LYN: variants seen among roughly 807,000 people sequenced by gnomAD.
The protein encoded by LYN is tyrosine-protein kinase Lyn.
LYN carries 12 observed loss-of-function variants against 65.0 expected under a neutral mutation model. The ratio of observed to expected loss-of-function variants is 0.18; its 90% CI spans 0.12 to 0.30. The LOEUF (loss-of-function observed/expected upper bound fraction) is 0.30, where lower values mean the gene tolerates loss of function less well. Ranked by LOEUF, LYN falls within the 10% of genes least tolerant of loss-of-function variation. LYN has a pLI of 1.00. For synonymous variants in LYN, 222 were observed against 221.2 expected (o/e 1.00, Z -0.03); for missense variants, 380 against 623.2 (o/e 0.61, Z 4.16).
intron 9 of LYN, 72 bp downstream of exon 9, chr8:55,966,969 G>A (rs761860567): frequency 2.8e-5 from 40 of 1,408,168 alleles, no homozygotes; most frequent in African/African-American, 2.3e-4. Context: ...AGTGTTCAGA[G>A]GTCACTCAAC....
intron 8 of LYN, among the ~76,000 whole-genome samples, chr8:55,962,399 A>G (rs1263344638): frequency 6.6e-6 from 1 of 151,268 alleles, no homozygotes; most frequent in Non-Finnish European, 1.5e-5. Context: ...TTCAGTCCCT[A>G]TGATGTTGGT....
At chr8:55,956,731 C>T (rs1273057380) in intron 8 of LYN, among the ~76,000 whole-genome samples, 2 of 152,184 alleles carry the variant, frequency 1.3e-5, no homozygotes, top group African/African-American at 2.4e-5. Context: ...CACTGGCTCA[C>T]GTCAAGATCC....
At chr8:55,995,336 C>G (rs1188683834) in intron 10 of LYN, among the ~76,000 whole-genome samples, 1 of 152,290 alleles carries the variant, frequency 6.6e-6, no homozygotes, top group African/African-American at 2.4e-5. Flanking sequence ...GTGCATCTCC[C>G]CAGTGCTCAG....
At chr8:55,940,500 C>G (rs1351179032) in intron 1 of LYN, among the ~76,000 whole-genome samples, 1 of 152,168 alleles carries the variant, frequency 6.6e-6, no homozygotes, top group Non-Finnish European at 1.5e-5. Flanking sequence ...CTCAGCCTCC[C>G]GAGTAGCTGG....
intron 12 of LYN, among the ~76,000 whole-genome samples, chr8:56,007,048 G>A (rs1808693891): frequency 6.6e-6 from 1 of 152,104 alleles, no homozygotes. Flanking sequence ...TCAGAGCTAG[G>A]AGAACATACT....
At chr8:55,957,892 G>C (rs1198336099) in intron 8 of LYN, among the ~76,000 whole-genome samples, 1 of 152,206 alleles carries the variant, frequency 6.6e-6, no homozygotes, top group Non-Finnish European at 1.5e-5. Context: ...AGGTTGCAGT[G>C]AGCTGAGATT....
At chr8:55,961,613 C>A (rs977376141) in intron 8 of LYN, among the ~76,000 whole-genome samples, 17 of 152,134 alleles carry the variant, frequency 1.1e-4, no homozygotes, top group African/African-American at 4.1e-4. Flanking sequence ...TGACTTCCCC[C>A]CTAACCTTGG....
intron 8 of LYN, among the ~76,000 whole-genome samples, chr8:55,956,757 C>T (rs1563528457): frequency 6.6e-6 from 1 of 152,218 alleles, no homozygotes; most frequent in Admixed American, 6.5e-5. Flanking sequence ...CTTCTGCGTT[C>T]TCTTCCCGGC....
intron 1 of LYN, among the ~76,000 whole-genome samples, chr8:55,889,379 T>G (rs1804888884): frequency 6.6e-6 from 1 of 152,162 alleles, no homozygotes; most frequent in East Asian, 1.9e-4. Flanking sequence ...CCTGGCTTAT[T>G]TTTTGTAGAG....
intron 8 of LYN, among the ~76,000 whole-genome samples, chr8:55,965,270 G>A (rs1011906249): frequency 3.3e-5 from 5 of 152,160 alleles, no homozygotes; most frequent in African/African-American, 1.2e-4. Context: ...ACTTGAACAA[G>A]TGTTCTGAGG....
chr8:55,900,539 AT>A (rs5891598), intron 1 of LYN, among the ~76,000 whole-genome samples: 29,050 of 126,380 alleles, frequency 0.23, 3,196 homozygotes, highest in African/African-American at 0.32. Flanking sequence ...TGCCCAGCTA[AT>A]TTTTTTTTTT....
At chr8:55,966,206 G>C (rs1391114069) in intron 8 of LYN, among the ~76,000 whole-genome samples, 1 of 151,998 alleles carries the variant, frequency 6.6e-6, no homozygotes, top group Non-Finnish European at 1.5e-5. Context: ...GAAACCTTTT[G>C]ATTTTTGAAT....
chr8:56,006,006 C>G (rs1340941617), intron 12 of LYN, among the ~76,000 whole-genome samples: 1 of 151,870 alleles, frequency 6.6e-6, no homozygotes, highest in Non-Finnish European at 1.5e-5. Context: ...GATCACCGAG[C>G]CCAGGGAGTT....
In LYN at chr8:55,934,204, C is replaced by T. The variant is rs541679478; in HGVS notation, c.-5-7651C>T. ...TTGTGCCATTGCACTCCAGCCTGGG[C>T]GACAGAGCGAGATCCGTCTCAAAAA... On this transcript the variant is annotated intron_variant, in intron 1 of 12. Coordinates refer to ENST00000519728, the MANE Select transcript of LYN (RefSeq NM_002350.4). 4.5e-3 allele frequency among the ~76,000 whole-genome samples: 690 copies of T among 152,004 alleles called. 3 individuals carry two copies. Among genetic ancestry groups the T allele is most frequent in the South Asian group, 0.011 (52 of 4,810 alleles).
At chr8:55,905,335 C>T (rs115960443) in intron 1 of LYN, among the ~76,000 whole-genome samples, 7,458 of 152,078 alleles carry the variant, frequency 0.049, 611 homozygotes, top group African/African-American at 0.17. Context: ...TACTTCAACC[C>T]GGGAGGTGGA....
intron 1 of LYN, among the ~76,000 whole-genome samples, chr8:55,902,124 C>T (rs554278713): frequency 6.6e-5 from 10 of 152,102 alleles, no homozygotes; most frequent in Non-Finnish European, 1.3e-4. Context: ...TCTCCCACCT[C>T]AGCCTCCCGA....
intron 1 of LYN, among the ~76,000 whole-genome samples, chr8:55,917,432 C>T (rs1585596082): frequency 6.6e-6 from 1 of 152,184 alleles, no homozygotes. Context: ...GATCCTCCTG[C>T]CTCAGCCTCT....
intron 10 of LYN, among the ~76,000 whole-genome samples, chr8:55,994,674 G>A (rs142958976): frequency 3.3e-5 from 5 of 152,286 alleles, no homozygotes; most frequent in African/African-American, 9.6e-5. Context: ...TGTCAACTGT[G>A]GTTTCAGGCC....
At chr8:55,896,570 G>A (rs1167117549) in intron 1 of LYN, among the ~76,000 whole-genome samples, 1 of 151,696 alleles carries the variant, frequency 6.6e-6, no homozygotes, top group Admixed American at 6.6e-5. Context: ...CGGGATGGTG[G>A]GTACAGCAAA....
Sources: allele counts gnomAD v4.1 joint callset (sites outside exome capture counted in the v4.1 genomes callset), GRCh38; gene constraint gnomAD v4.1.1; transcripts MANE v1.5; gene names NCBI Gene and HGNC (gene_info 2026-07-23, HGNC 2026-07-21).